Variants in CDK14 observed in about 807,000 individuals in gnomAD.
CDK14 encodes cyclin-dependent kinase 14.
A neutral mutation model predicts 60.7 loss-of-function variants in CDK14; 34 were observed. That is an observed-to-expected ratio of 0.56 (90% CI 0.43 to 0.75). The LOEUF is 0.75. Ranked by LOEUF, CDK14 falls within the 30% of genes least tolerant of loss-of-function variation. The pLI is 0.00. For synonymous variants in CDK14, 197 were observed against 203.7 expected (o/e 0.97, Z 0.28); for missense variants, 482 against 564.1 (o/e 0.85, Z 1.47).
intron 10 of CDK14, among the ~76,000 whole-genome samples, chr7:91,015,588 C>T (rs1796281039): frequency 8.1e-6 from 1 of 124,070 alleles, no homozygotes; most frequent in East Asian, 2.4e-4. Context: ...AGTGCAGTGG[C>T]ATGATCTCGG....
In CDK14 at chr7:90,672,006, AATTT is replaced by A. The variant is rs568505191; in HGVS notation, c.124-54556_124-54553del. On this transcript the variant is annotated intron_variant, in intron 2 of 14. Coordinates refer to ENST00000380050, the MANE Select transcript of CDK14 (RefSeq NM_001287135.2). Reference sequence around the variant, plus strand: ...CAGTTATCTTCGCAGTAGTGAATGTAATTTATTTGGGGGATGAATGAAGCAGGAA... The same window carrying A: ...CAGTTATCTTCGCAGTAGTGAATGTAATTTGGGGGATGAATGAAGCAGGAA... Among the ~76,000 whole-genome samples the A allele has an allele frequency of 3.9e-3, 601 of 152,284 alleles. 2 individuals are homozygous for A. Among genetic ancestry groups the A allele is most frequent in the Non-Finnish European group, 6.4e-3 (437 of 68,016 alleles).
chr7:90,700,968 C>T (rs1326596104), intron 2 of CDK14, among the ~76,000 whole-genome samples: 2 of 152,200 alleles, frequency 1.3e-5, no homozygotes, highest in Admixed American at 6.5e-5. Context: ...AAAAATCTTT[C>T]AGTCGTGAAA....
At chr7:91,032,629 A>C (rs1006443775) in intron 10 of CDK14, among the ~76,000 whole-genome samples, 9 of 152,318 alleles carry the variant, frequency 5.9e-5, no homozygotes, top group Admixed American at 5.2e-4. Context: ...AAGTAATGCC[A>C]GCACCCACCA....
intron 10 of CDK14, among the ~76,000 whole-genome samples, chr7:91,043,147 T>C (rs1203714437): frequency 1.3e-5 from 2 of 152,226 alleles, no homozygotes; most frequent in Non-Finnish European, 2.9e-5. Context: ...GGTATGACCA[T>C]AATATATCAT....
intron 5 of CDK14, among the ~76,000 whole-genome samples, chr7:90,848,243 A>C (rs1004032041): frequency 6.6e-6 from 1 of 152,130 alleles, no homozygotes; most frequent in African/African-American, 2.4e-5. Flanking sequence ...CTGGGACTGC[A>C]GGCTTGCATC....
chr7:90,683,128 G>C (rs548632723), intron 2 of CDK14, among the ~76,000 whole-genome samples: 3 of 152,040 alleles, frequency 2.0e-5, no homozygotes, highest in African/African-American at 7.2e-5. Flanking sequence ...AGCATTCATC[G>C]ATTTGTCTTT....
At chr7:91,006,065 C>T (rs561931819) in intron 10 of CDK14, among the ~76,000 whole-genome samples, 9 of 152,346 alleles carry the variant, frequency 5.9e-5, no homozygotes, top group South Asian at 2.1e-4. Flanking sequence ...CAGCCATCCA[C>T]GTGGGTGGAC....
intron 6 of CDK14, among the ~76,000 whole-genome samples, chr7:90,870,818 A>G (rs1791347884): frequency 6.6e-6 from 1 of 152,222 alleles, no homozygotes; most frequent in South Asian, 2.1e-4. Context: ...CTTCATATAG[A>G]ACATTGGTGA....
intron 9 of CDK14, among the ~76,000 whole-genome samples, chr7:90,963,241 T>C (rs1355030301): frequency 1.3e-5 from 2 of 151,702 alleles, no homozygotes; most frequent in African/African-American, 4.8e-5. Context: ...CTGGGCAACA[T>C]GCTGAGATCC....
At chr7:91,044,039 C>G (rs1288626677) in intron 10 of CDK14, among the ~76,000 whole-genome samples, 1 of 152,140 alleles carries the variant, frequency 6.6e-6, no homozygotes, top group Non-Finnish European at 1.5e-5. Flanking sequence ...GAGTCAAACT[C>G]TGTAAAATAT....
At chr7:90,748,078 G>A (rs1257075869) in intron 4 of CDK14, among the ~76,000 whole-genome samples, 1 of 152,088 alleles carries the variant, frequency 6.6e-6, no homozygotes, top group Non-Finnish European at 1.5e-5. Flanking sequence ...GGTGAATTAT[G>A]TGATTAATTT....
chr7:91,178,879 C>T (rs558503704), intron 14 of CDK14, among the ~76,000 whole-genome samples: 239 of 152,102 alleles, frequency 1.6e-3, no homozygotes, highest in African/African-American at 5.6e-3. Flanking sequence ...ACTAGTTCAA[C>T]CATTGTGGAA....
At chr7:90,936,144 T>TA (rs1232482172) in intron 8 of CDK14, among the ~76,000 whole-genome samples, 1 of 152,204 alleles carries the variant, frequency 6.6e-6, no homozygotes, top group Non-Finnish European at 1.5e-5. Context: ...CCTATGTACT[T>TA]ACGTAACAAT....
At chr7:90,901,545 G>A (rs1459727173) in intron 7 of CDK14, among the ~76,000 whole-genome samples, 1 of 152,016 alleles carries the variant, frequency 6.6e-6, no homozygotes, top group African/African-American at 2.4e-5. Context: ...TCTTTGATTT[G>A]TTGAGGATCT....
rs1180847630 is a variant in CDK14, at chr7:90,726,840, G to A, written c.369+28G>A. 2.5e-6 allele frequency: 4 copies of A among 1,610,260 alleles called. No individual in the cohort carries two copies. In the African/African-American group the frequency reaches 5.4e-5, roughly 22 times the overall value. On this transcript the variant is annotated intron_variant, in intron 3 of 14. Transcript: ENST00000380050. Reference sequence around the variant, plus strand: ...AAGTGCAGTCTTTTTGTTTATCACTGGGTAAACAGAAGGAATAGCCTTCTT... The same window carrying A: ...AAGTGCAGTCTTTTTGTTTATCACTAGGTAAACAGAAGGAATAGCCTTCTT...
intron 11 of CDK14, among the ~76,000 whole-genome samples, chr7:91,055,622 T>C (rs1797524388): frequency 6.6e-6 from 1 of 152,216 alleles, no homozygotes; most frequent in South Asian, 2.1e-4. Flanking sequence ...TCACACCTCA[T>C]ATCGCTAAAG....
chr7:90,815,536 ATAACATT>A (rs1789313050), intron 5 of CDK14, among the ~76,000 whole-genome samples: 1 of 152,214 alleles, frequency 6.6e-6, no homozygotes, highest in East Asian at 1.9e-4. Context: ...AGAACCGGAA[ATAACATT>A]TGACCCAGCA....
intron 2 of CDK14, among the ~76,000 whole-genome samples, chr7:90,699,813 G>A (rs558041741): frequency 1.3e-5 from 2 of 152,170 alleles, no homozygotes; most frequent in Non-Finnish European, 2.9e-5. Flanking sequence ...CAGGCAGAAG[G>A]TACCTCTGTG....
rs117222446 is a variant in CDK14 at position 91,064,323 on chromosome 7, A to G, written c.1106-15109A>G. ...AAGACCCAGAGGGGTGTCATGGTAT[A>G]GTGACTAGGAGCACAGACTCCAGAT... On this transcript the variant is annotated intron_variant, in intron 11 of 14. Coordinates refer to ENST00000380050, the MANE Select transcript of CDK14 (RefSeq NM_001287135.2). Among the ~76,000 whole-genome samples, 143 of 108,376 alleles carry G rather than the reference A, an allele frequency of 1.3e-3. 1 individual carries two copies. Among genetic ancestry groups the G allele is most frequent in the Non-Finnish European group, 2.4e-3 (117 of 48,530 alleles). 71.1% of individuals were successfully genotyped at this position (108,376 alleles called of 152,430 possible). A position where few individuals can be genotyped will look rare whatever the true frequency, so the allele number is the denominator to read the frequency against.
Sources: gnomAD v4.1 joint callset for allele counts (sites outside exome capture counted in the v4.1 genomes callset) on GRCh38, gnomAD v4.1.1 for gene constraint, MANE v1.5 for transcripts, NCBI Gene and HGNC (gene_info 2026-07-23, HGNC 2026-07-21) for gene names.